ATP6V1C1: variants seen among roughly 807,000 people sequenced by gnomAD.
The protein encoded by ATP6V1C1 is V-type proton ATPase subunit C 1.
ATP6V1C1 carries 45 observed loss-of-function variants against 53.9 expected under a neutral mutation model. The ratio of observed to expected loss-of-function variants is 0.83; its 90% CI spans 0.66 to 1.07. ATP6V1C1 has a LOEUF of 1.07. Ranked by LOEUF, ATP6V1C1 falls within the 50% of genes least tolerant of loss-of-function variation. ATP6V1C1 has a pLI of 0.00. For synonymous variants in ATP6V1C1, 153 were observed against 155.2 expected (o/e 0.99, Z 0.11); for missense variants, 315 against 440.3 (o/e 0.72, Z 2.55).
intron 8 of ATP6V1C1, among the ~76,000 whole-genome samples, chr8:103,057,828 A>G (rs1817316697): frequency 6.6e-6 from 1 of 152,066 alleles, no homozygotes; most frequent in South Asian, 2.1e-4. Context: ...CTCATCATGA[A>G]TGTTTTTTTT....
intron 1 of ATP6V1C1, among the ~76,000 whole-genome samples, chr8:103,022,935 C>A (rs1252399894): frequency 2.6e-5 from 4 of 152,044 alleles, no homozygotes; most frequent in Non-Finnish European, 5.9e-5. Context: ...TGCTTGTAGT[C>A]CTAGCTGCTC....
In ATP6V1C1 at chr8:103,068,850, T is replaced by C; in HGVS notation, c.*103T>C. On this transcript the variant is annotated 3_prime_UTR_variant, in exon 13 of 13. Transcript: ENST00000518738. The stretch of plus-strand genomic sequence containing the variant: ...TTTAACTCTAGTATCCTTTGCTTGC[T>C]TCTTACGCCCTTTCCTAGGTGAATT... The C allele has an allele frequency of 1.1e-6, 1 of 909,560 alleles. No individual in the cohort carries two copies. Among genetic ancestry groups the C allele is most frequent in the Non-Finnish European group, 1.6e-6 (1 of 629,630 alleles). 56.3% of individuals were successfully genotyped at this position (909,560 alleles called of 1,614,324 possible).
intron 1 of ATP6V1C1, among the ~76,000 whole-genome samples, chr8:103,036,226 G>A (rs1336241563): frequency 1.3e-5 from 2 of 152,134 alleles, no homozygotes; most frequent in Non-Finnish European, 2.9e-5. Flanking sequence ...TGCAGCCTTG[G>A]GTAAACTACT....
At chr8:103,048,757 G>A (rs1056406420) in intron 3 of ATP6V1C1, 113 bp from the exon 4 acceptor site, 5 of 812,604 alleles carry the variant, frequency 6.2e-6, no homozygotes, top group Non-Finnish European at 9.9e-6. Flanking sequence ...TATATGGATA[G>A]GTATAATGGG....
At chr8:103,029,771 C>T (rs1011418894) in intron 1 of ATP6V1C1, among the ~76,000 whole-genome samples, 2 of 149,570 alleles carry the variant, frequency 1.3e-5, no homozygotes, top group South Asian at 2.1e-4. Flanking sequence ...CTTGCTTTGT[C>T]GCCCAGGCTG....
chr8:103,026,277 C>T (rs563416991), intron 1 of ATP6V1C1, among the ~76,000 whole-genome samples: 1 of 152,300 alleles, frequency 6.6e-6, no homozygotes, highest in South Asian at 2.1e-4. Flanking sequence ...AGTGTGTTTC[C>T]AGTTTTTGTG....
intron 3 of ATP6V1C1, among the ~76,000 whole-genome samples, chr8:103,046,318 T>A (rs1156957858): frequency 2.0e-5 from 3 of 152,204 alleles, no homozygotes; most frequent in Non-Finnish European, 4.4e-5. Flanking sequence ...GCAGTCCTTT[T>A]ACCTCAGTTT....
chr8:103,026,584 G>C (rs539244412), intron 1 of ATP6V1C1, among the ~76,000 whole-genome samples: 1 of 152,242 alleles, frequency 6.6e-6, no homozygotes, highest in Admixed American at 6.5e-5. Flanking sequence ...GGCAAAGGGC[G>C]GGCGGATCAC....
At chr8:103,038,228 A>G (rs1816933890) in intron 1 of ATP6V1C1, among the ~76,000 whole-genome samples, 2 of 152,174 alleles carry the variant, frequency 1.3e-5, no homozygotes. Flanking sequence ...CTGGTGGTTC[A>G]TGCTGGTTGT....
intron 7 of ATP6V1C1, 112 bp from the exon 8 acceptor site, chr8:103,055,756 A>G (rs1817279750): frequency 5.3e-6 from 5 of 944,026 alleles, no homozygotes; most frequent in Non-Finnish European, 7.9e-6. Context: ...GAGTTGAAGT[A>G]TACTTACTAT....
chr8:103,031,997 A>G (rs1218845733), intron 1 of ATP6V1C1, among the ~76,000 whole-genome samples: 2 of 129,636 alleles, frequency 1.5e-5, no homozygotes, highest in East Asian at 4.3e-4. Context: ...GAAAGCATAT[A>G]TTGTAAAAAA....
chr8:103,048,854 ATT>A lies in ATP6V1C1; in HGVS notation c.201-11_201-10del. On this transcript the variant is annotated splice_polypyrimidine_tract_variant and intron_variant, in intron 3 of 12. Coordinates refer to ENST00000518738, the MANE Select transcript of ATP6V1C1 (RefSeq NM_001695.5). ...CTTTTTCCTGAGAATGGTTGTTGAT[ATT>A]TTTTCTTCCCCAGAGTGGTTAAGAA... The A allele has an allele frequency of 6.2e-7, 1 of 1,603,800 alleles. No homozygotes were observed. The highest frequency in any genetic ancestry group is 8.5e-7 in the Non-Finnish European group (1 of 1,172,812).
At chr8:103,066,681 TG>T (rs1817496941) in intron 12 of ATP6V1C1, among the ~76,000 whole-genome samples, 2 of 152,360 alleles carry the variant, frequency 1.3e-5, no homozygotes, top group South Asian at 4.1e-4. Context: ...ATTATCTTGC[TG>T]TGTATCAGAT....
chr8:103,068,872 A>T lies in ATP6V1C1; in HGVS notation c.*125A>T. ...TGCTTCTTACGCCCTTTCCTAGGTG[A>T]ATTCTCCCACAGTGGTCTGTATCTC... On this transcript the variant is annotated 3_prime_UTR_variant, in exon 13 of 13. Coordinates refer to ENST00000518738, the MANE Select transcript of ATP6V1C1 (RefSeq NM_001695.5). 1 of 586,168 alleles carries T rather than the reference A, an allele frequency of 1.7e-6. No individual in the cohort carries two copies. The highest frequency in any genetic ancestry group is 2.7e-6 in the Non-Finnish European group (1 of 369,304). 36.3% of individuals were successfully genotyped at this position (586,168 alleles called of 1,614,324 possible). A position where few individuals can be genotyped will look rare whatever the true frequency, so the allele number is the denominator to read the frequency against.
chr8:103,045,028 ATCAGTCTACAGT>A (rs1817070041), intron 3 of ATP6V1C1, among the ~76,000 whole-genome samples: 2 of 152,218 alleles, frequency 1.3e-5, no homozygotes, highest in African/African-American at 4.8e-5. Context: ...AGTTGGCAGA[ATCAGTCTACAGT>A]TCCTTCAACT....
At chr8:103,067,617 T>TTTTTTTC (rs1408507732) in intron 12 of ATP6V1C1, among the ~76,000 whole-genome samples, 7 of 144,466 alleles carry the variant, frequency 4.8e-5, no homozygotes, top group East Asian at 2.0e-4. Context: ...TTTTTTTTTT[T>TTTTTTTC]CGAGATGGAG....
chr8:103,062,928 T>C, intron 8 of ATP6V1C1, 27 bp from the exon 9 acceptor site: 1 of 1,601,432 alleles, frequency 6.2e-7, no homozygotes, highest in Non-Finnish European at 8.5e-7. Flanking sequence ...GTATAAATCT[T>C]TAAATGGACT....
intron 11 of ATP6V1C1, among the ~76,000 whole-genome samples, chr8:103,065,767 G>C (rs1817477613): frequency 6.6e-6 from 1 of 152,102 alleles, no homozygotes; most frequent in East Asian, 1.9e-4. Context: ...TGGTAAGCCA[G>C]GCGTGGTGGC....
intron 1 of ATP6V1C1, among the ~76,000 whole-genome samples, chr8:103,031,740 C>T (rs573789568): frequency 9.2e-5 from 14 of 152,132 alleles, no homozygotes; most frequent in Non-Finnish European, 1.9e-4. Flanking sequence ...AAGTAAAACA[C>T]AGTGAGAAAA....
Sources: allele counts gnomAD v4.1 joint callset (sites outside exome capture counted in the v4.1 genomes callset), GRCh38; gene constraint gnomAD v4.1.1; transcripts MANE v1.5; gene names NCBI Gene and HGNC (gene_info 2026-07-23, HGNC 2026-07-21).